The following HPGD variants were observed in gnomAD, a reference collection of about 807,000 sequenced individuals.
HPGD encodes 15-hydroxyprostaglandin dehydrogenase [NAD(+)].
In HPGD, 29 loss-of-function variants were observed where a neutral mutation model predicts 30.0. The ratio of observed to expected loss-of-function variants is 0.97; its 90% CI spans 0.72 to 1.32. HPGD has a LOEUF of 1.32. Among genes scored for constraint, HPGD ranks in the 40% most tolerant of loss-of-function variants. The pLI is 0.00. For synonymous variants in HPGD, 99 were observed against 112.4 expected (o/e 0.88, Z 0.75); for missense variants, 340 against 322.1 (o/e 1.06, Z -0.43).
chr4:174,508,698 G>A lies in HPGD; in HGVS notation c.419C>T (p.Ala140Val), dbSNP rs1238971061. 1.3e-6 allele frequency: 2 copies of A among 1,575,920 alleles called. No individual in the cohort carries two copies. Among genetic ancestry groups the A allele is most frequent in the East Asian group, 2.2e-5 (1 of 44,596 alleles). The change falls in exon 4 of 7, where the codon GCA (alanine) becomes GTA (valine). Residue 140 changes from alanine (A) to valine (V), a missense_variant and splice_region_variant. Coordinates refer to ENST00000296522, the MANE Select transcript of HPGD (RefSeq NM_000860.6). Reference sequence around the variant, plus strand: ...TTTAATGTAATAATTGCCCTTACCTGCTAAAGATGACATATTGATAATGAT... The same window carrying A: ...TTTAATGTAATAATTGCCCTTACCTACTAAAGATGACATATTGATAATGAT... ...GGIIINMSSL[A>V]GLMPVAQQPV... is the part of the protein sequence containing the mutation.
intron 2 of HPGD, among the ~76,000 whole-genome samples, chr4:174,521,022 T>G (rs45499501): frequency 0.04 from 6,149 of 152,298 alleles, 178 homozygotes; most frequent in Non-Finnish European, 0.063. Flanking sequence ...AAATGTACAT[T>G]TGATGTCCCT....
At chr4:174,508,580 C>T (rs145067479) in intron 4 of HPGD, 116 bp downstream of exon 4, 357 of 736,732 alleles carry the variant, frequency 4.8e-4, no homozygotes, top group Non-Finnish European at 8.2e-4. Context: ...AACTATAAAA[C>T]GATCAGATTT....
rs45498507 is a variant in HPGD, at chr4:174,492,777, T to A, written c.662+374A>T. On this transcript the variant is annotated intron_variant, in intron 6 of 6. Transcript: ENST00000296522. The surrounding 1 kb of genome is among the most constrained non-coding windows in gnomAD (Gnocchi z 4.9). ...GAAAGTATGTGTCCATGTATGTGTG[T>A]GTATCAACTATTTCTTATAAAAGTG... Among the ~76,000 whole-genome samples the A allele has an allele frequency of 6.6e-6, 1 of 152,070 alleles. No homozygotes were observed. Among genetic ancestry groups the A allele is most frequent in the Non-Finnish European group, 1.5e-5 (1 of 67,940 alleles).
intron 3 of HPGD, among the ~76,000 whole-genome samples, chr4:174,510,397 G>C (rs1735425342): frequency 6.6e-6 from 1 of 152,200 alleles, no homozygotes; most frequent in Non-Finnish European, 1.5e-5. Context: ...AATGAAGCCA[G>C]TTGGATTCTG....
chr4:174,522,521 C>T (rs1044075961), upstream of HPGD: 2 of 1,238,792 alleles, frequency 1.6e-6, no homozygotes, highest in Non-Finnish European at 1.1e-6. Context: ...TTTTATGCCC[C>T]CCTGCGCGCG....
intron 1 of HPGD, 74 bp downstream of exon 1, chr4:174,522,285 G>A (rs1736180870): frequency 6.2e-6 from 9 of 1,446,230 alleles, no homozygotes; most frequent in South Asian, 3.6e-5. Context: ...GTCTCCGCCA[G>A]TGCACCTCGG....
chr4:174,502,554 T>C (rs1447359851), intron 4 of HPGD, among the ~76,000 whole-genome samples: 1 of 151,908 alleles, frequency 6.6e-6, no homozygotes, highest in Non-Finnish European at 1.5e-5. Context: ...GGCGGGCGCC[T>C]GTAGTCTCAG....
At chr4:174,493,378 C>G (rs1734437832) in intron 5 of HPGD, 64 bp from the exon 6 acceptor site, 1 of 1,474,582 alleles carries the variant, frequency 6.8e-7, no homozygotes, top group African/African-American at 1.4e-5. Context: ...ACAAACTGAT[C>G]ATTAAAGCAT....
chr4:174,496,283 A>G lies in HPGD; in HGVS notation c.422-659T>C, dbSNP rs1734591177. Among the ~76,000 whole-genome samples the G allele has an allele frequency of 6.6e-6, 1 of 152,238 alleles. No individual in the cohort carries two copies. Among genetic ancestry groups the G allele is most frequent in the South Asian group, 2.1e-4 (1 of 4,836 alleles). On this transcript the variant is annotated intron_variant, in intron 4 of 6. Transcript: ENST00000296522. The surrounding 1 kb of genome is among the most constrained non-coding windows in gnomAD (Gnocchi z 4.6). ...TCCTTTCATAATTATGTAGTCAACTATGAAATTCAATCAATTACAGAATGT... is the reference window on the plus strand; with the variant it reads ...TCCTTTCATAATTATGTAGTCAACTGTGAAATTCAATCAATTACAGAATGT...
intron 4 of HPGD, among the ~76,000 whole-genome samples, chr4:174,503,497 G>A (rs1388447298): frequency 6.6e-6 from 1 of 152,164 alleles, no homozygotes; most frequent in Non-Finnish European, 1.5e-5. Flanking sequence ...TTACCACAAT[G>A]CCTGGAGCTT....
chr4:174,495,957 G>T, intron 4 of HPGD: 1 of 271,708 alleles, frequency 3.7e-6, no homozygotes, highest in East Asian at 8.8e-5. Flanking sequence ...TTTAAAGTCA[G>T]TAAATTACCA....
intron 6 of HPGD, 58 bp downstream of exon 6, chr4:174,493,093 T>C: frequency 7.1e-7 from 1 of 1,409,558 alleles, no homozygotes; most frequent in Non-Finnish European, 9.7e-7. Context: ...TTTTTATAGC[T>C]TATCTAAATA....
At chr4:174,513,613 G>C (rs1446556486) in intron 3 of HPGD, among the ~76,000 whole-genome samples, 1 of 151,818 alleles carries the variant, frequency 6.6e-6, no homozygotes, top group Non-Finnish European at 1.5e-5. Context: ...ATATTAAAAA[G>C]GCAGATGTTC....
chr4:174,522,524 T>A (rs1432303646), upstream of HPGD: 6 of 1,179,804 alleles, frequency 5.1e-6, no homozygotes, highest in Non-Finnish European at 6.9e-6. Flanking sequence ...TATGCCCCCC[T>A]GCGCGCGCGC....
At position 174,492,126 on chromosome 4, in the gene HPGD, A is replaced by G. The variant is rs1734369952; in HGVS notation, c.663-32T>C. Reference sequence around the variant, plus strand: ...ATAAAGAAAACAGTATTTTGAAACGAAAGAATGAGGCATATTACCACTTCA... The same window carrying G: ...ATAAAGAAAACAGTATTTTGAAACGGAAGAATGAGGCATATTACCACTTCA... On this transcript the variant is annotated intron_variant, in intron 6 of 6. Coordinates refer to ENST00000296522, the MANE Select transcript of HPGD (RefSeq NM_000860.6). The surrounding 1 kb of genome is among the most constrained non-coding windows in gnomAD (Gnocchi z 4.9). 6.3e-7 allele frequency: 1 copy of G among 1,597,042 alleles called. No individual in the cohort carries two copies. Among genetic ancestry groups the G allele is most frequent in the Non-Finnish European group, 8.6e-7 (1 of 1,167,122 alleles).
chr4:174,504,747 T>C (rs1434737962), intron 4 of HPGD, among the ~76,000 whole-genome samples: 2 of 151,772 alleles, frequency 1.3e-5, no homozygotes, highest in South Asian at 4.1e-4. Context: ...TGAGAGGTGT[T>C]GGTTGTAGTG....
intron 3 of HPGD, among the ~76,000 whole-genome samples, chr4:174,517,355 A>ATT (rs1735840759): frequency 2.0e-5 from 3 of 152,160 alleles, no homozygotes; most frequent in African/African-American, 7.2e-5. Context: ...TGTCACTTTA[A>ATT]TTTTGTTTTC....
At chr4:174,506,420 G>T (rs902722440) in intron 4 of HPGD, among the ~76,000 whole-genome samples, 4 of 152,104 alleles carry the variant, frequency 2.6e-5, no homozygotes, top group African/African-American at 9.7e-5. Flanking sequence ...GATAAATACA[G>T]GTAGATTAAC....
chr4:174,522,564 C>G (rs958623993), upstream of HPGD: 11 of 688,810 alleles, frequency 1.6e-5, no homozygotes, highest in South Asian at 2.5e-4. Context: ...GCTCCCCTGC[C>G]AGTGGGCGGG....
Sources: gnomAD v4.1 joint callset for allele counts (sites outside exome capture counted in the v4.1 genomes callset) on GRCh38, gnomAD v4.1.1 for gene constraint, Gnocchi (gnomAD v3.1) non-coding constraint, MANE v1.5 for transcripts, NCBI Gene and HGNC (gene_info 2026-07-23, HGNC 2026-07-21) for gene names.